The following SHISA9 variants were observed in gnomAD, a reference collection of about 807,000 sequenced individuals.
SHISA9 encodes the protein protein shisa-9.
In SHISA9, 13 loss-of-function variants were observed where a neutral mutation model predicts 38.0. The ratio of observed to expected loss-of-function variants is 0.34; its 90% confidence interval spans 0.22 to 0.54. The LOEUF (loss-of-function observed/expected upper bound fraction) is 0.54, where lower values mean the gene tolerates loss of function less well. Among genes scored for constraint, SHISA9 ranks in the 20% least tolerant of loss-of-function variants. The pLI is 0.91. For missense variants in SHISA9, 538 were observed against 575.8 expected (o/e 0.93, Z 0.67); for synonymous variants, 275 against 242.0 (o/e 1.14, Z -1.27).
chr16:13,048,317 C>T (rs562264969), intron 2 of SHISA9, among the ~76,000 whole-genome samples: 2 of 152,342 alleles, frequency 1.3e-5, no homozygotes, highest in East Asian at 3.9e-4. Context: ...TTCTGATCAG[C>T]ATGATATGGA....
the SHISA9 span, among the ~76,000 whole-genome samples, chr16:13,409,320 A>G: frequency 0.011 from 1,615 of 152,338 alleles, 28 homozygotes; most frequent in African/African-American, 0.036. Context: ...CAATTTTTCC[A>G]GGACACTGGA....
chr16:12,963,645 T>G (rs2071939871), intron 2 of SHISA9, among the ~76,000 whole-genome samples: 1 of 152,228 alleles, frequency 6.6e-6, no homozygotes, highest in African/African-American at 2.4e-5. Flanking sequence ...TTCTCCCATT[T>G]TGTAAATGTG....
the SHISA9 span, among the ~76,000 whole-genome samples, chr16:13,408,447 G>A: frequency 6.6e-6 from 1 of 151,986 alleles, no homozygotes; most frequent in Admixed American, 6.6e-5. Context: ...AGGCAGGATG[G>A]TCTGTCTTCA....
intron 2 of SHISA9, among the ~76,000 whole-genome samples, chr16:13,053,915 A>G (rs773799778): frequency 6.6e-6 from 1 of 152,228 alleles, no homozygotes; most frequent in Non-Finnish European, 1.5e-5. Context: ...CAATGAGGCC[A>G]AGAAGCCCAC....
intron 2 of SHISA9, among the ~76,000 whole-genome samples, chr16:12,950,517 C>G (rs1428288248): frequency 6.6e-6 from 1 of 152,046 alleles, no homozygotes; most frequent in Non-Finnish European, 1.5e-5. Context: ...AACTCTAGTG[C>G]ACTGTTAGTG....
At chr16:12,988,903 C>T (rs532214694) in intron 2 of SHISA9, among the ~76,000 whole-genome samples, 17 of 152,140 alleles carry the variant, frequency 1.1e-4, no homozygotes, top group Non-Finnish European at 2.4e-4. Flanking sequence ...TGTAAGTATT[C>T]ACCTGAGTAC....
intron 2 of SHISA9, among the ~76,000 whole-genome samples, chr16:13,187,444 C>T (rs890886414): frequency 2.0e-5 from 3 of 149,960 alleles, no homozygotes; most frequent in Non-Finnish European, 4.4e-5. Context: ...AAGCGATTCT[C>T]CTGTCTCAGC....
Position 13,068,099 on chromosome 16 carries a change from G to A in SHISA9, c.692-135295G>A, listed in dbSNP as rs961221512. On this transcript the variant is annotated intron_variant, in intron 2 of 4. Transcript: ENST00000558583. ...GCTCTGAGATCAGGCTCCTTGGGCT[G>A]GAACTGTGGGTTCATAAATGAGAGT... 1.2e-3 allele frequency among the ~76,000 whole-genome samples: 189 copies of A among 152,166 alleles called. 1 individual carries two copies. Among genetic ancestry groups the A allele is most frequent in the Non-Finnish European group, 1.3e-4 (9 of 68,030 alleles).
At chr16:13,480,485 T>C in the SHISA9 span, among the ~76,000 whole-genome samples, 1 of 152,186 alleles carries the variant, frequency 6.6e-6, no homozygotes, top group Non-Finnish European at 1.5e-5. Flanking sequence ...GCGTGCACCT[T>C]GCTGGTCACT....
At chr16:13,369,242 T>A in the SHISA9 span, among the ~76,000 whole-genome samples, 2 of 152,204 alleles carry the variant, frequency 1.3e-5, no homozygotes, top group African/African-American at 4.8e-5. Flanking sequence ...ATAAGATGAG[T>A]GCTTGCTAAT....
chr16:13,190,931 T>C (rs1365868186), intron 2 of SHISA9, among the ~76,000 whole-genome samples: 1 of 152,140 alleles, frequency 6.6e-6, no homozygotes, highest in Non-Finnish European at 1.5e-5. Context: ...TTATTGCAAA[T>C]TCCTGCTGGT....
chr16:13,358,464 C>T, the SHISA9 span, among the ~76,000 whole-genome samples: 1 of 152,138 alleles, frequency 6.6e-6, no homozygotes, highest in Non-Finnish European at 1.5e-5. Context: ...CTTAGATCAG[C>T]TACCTAATCT....
intron 2 of SHISA9, among the ~76,000 whole-genome samples, chr16:13,192,229 G>A (rs1048431985): frequency 6.6e-6 from 1 of 152,052 alleles, no homozygotes; most frequent in Admixed American, 6.5e-5. Context: ...GCAAAAGGGA[G>A]GTGGATGGGA....
chr16:13,253,006 G>A, the SHISA9 span, among the ~76,000 whole-genome samples: 26 of 152,280 alleles, frequency 1.7e-4, no homozygotes, highest in Middle Eastern at 3.4e-3. Context: ...AAATGAAGAC[G>A]ATGAGGATGA....
intron 2 of SHISA9, among the ~76,000 whole-genome samples, chr16:13,150,042 A>C (rs1257342899): frequency 3.3e-5 from 5 of 149,578 alleles, no homozygotes; most frequent in African/African-American, 1.2e-4. Flanking sequence ...AAAAAAAAAA[A>C]AAAAAAAAAA....
the SHISA9 span, among the ~76,000 whole-genome samples, chr16:13,366,433 T>C: frequency 6.6e-6 from 1 of 152,220 alleles, no homozygotes; most frequent in African/African-American, 2.4e-5. Flanking sequence ...TTAAGGATCT[T>C]GTTGAAACAC....
intron 2 of SHISA9, among the ~76,000 whole-genome samples, chr16:13,164,927 G>T (rs1334741009): frequency 6.6e-6 from 1 of 152,068 alleles, no homozygotes; most frequent in African/African-American, 2.4e-5. Flanking sequence ...TTTCTAGGTT[G>T]TATTATTTCT....
the SHISA9 span, among the ~76,000 whole-genome samples, chr16:13,408,682 T>A: frequency 6.6e-6 from 1 of 152,202 alleles, no homozygotes; most frequent in Non-Finnish European, 1.5e-5. Context: ...TTAGAAGAAT[T>A]TCCCACACAC....
intron 2 of SHISA9, among the ~76,000 whole-genome samples, chr16:13,033,023 G>C (rs2073010335): frequency 6.6e-6 from 1 of 152,208 alleles, no homozygotes; most frequent in South Asian, 2.1e-4. Context: ...TTTCAGGCAG[G>C]CTTTCTTCGC....
Sources: gnomAD v4.1 joint callset for allele counts (sites outside exome capture counted in the v4.1 genomes callset) on GRCh38, gnomAD v4.1.1 for gene constraint, MANE v1.5 for transcripts, NCBI Gene and HGNC (gene_info 2026-07-23, HGNC 2026-07-21) for gene names.